Variants in NARS2 observed in about 807,000 individuals in gnomAD.
The protein encoded by NARS2 is asparaginyl-tRNA synthetase.
In NARS2, 60 loss-of-function variants were observed where a neutral mutation model predicts 62.9. The observed-to-expected ratio is 0.95, with a 90% CI of 0.77 to 1.18. The LOEUF (loss-of-function observed/expected upper bound fraction) is 1.18, where lower values mean the gene tolerates loss of function less well. Among genes scored for constraint, NARS2 ranks in the 50% most tolerant of loss-of-function variants. NARS2 has a pLI of 0.00. For missense variants in NARS2, 619 were observed against 576.4 expected, an observed-to-expected ratio of 1.07 and a Z score of -0.76; for synonymous variants, 196 against 200.0, an observed-to-expected ratio of 0.98 and a Z score of 0.17.
At chr11:78,540,140 A>G (rs1278833476) in intron 5 of NARS2, among the ~76,000 whole-genome samples, 16 of 152,158 alleles carry the variant, frequency 1.1e-4, no homozygotes, top group Non-Finnish European at 2.4e-4. Context: ...TTATTCTGCC[A>G]CTGGAAGACA....
chr11:78,478,792 C>G lies in NARS2; in HGVS notation c.823-109G>C, dbSNP rs534221823. On this transcript the variant is annotated intron_variant, in intron 7 of 13. Coordinates refer to ENST00000281038, the MANE Select transcript of NARS2 (RefSeq NM_024678.6). ...CAGGCTTTAGCAACTATAAATCCAC[C>G]AAGTCTTTTAATCCTTGAATGTACC... 2.9e-4 allele frequency: 157 copies of G among 534,872 alleles called. 1 individual carries two copies. In the East Asian group the frequency reaches 4.9e-3, roughly 17 times the overall value. The allele number at this position is 534,872 out of a possible 1,614,324, so 33.1% of individuals were successfully genotyped here. A position where few individuals can be genotyped will look rare whatever the true frequency, so the allele number is the denominator to read the frequency against.
chr11:78,519,100 T>C (rs1215066200), intron 6 of NARS2, among the ~76,000 whole-genome samples: 1 of 152,168 alleles, frequency 6.6e-6, no homozygotes, highest in Non-Finnish European at 1.5e-5. Flanking sequence ...GAGAAAGTCT[T>C]ATAAGCAGAT....
intron 5 of NARS2, among the ~76,000 whole-genome samples, chr11:78,535,565 T>C (rs1292332671): frequency 6.6e-6 from 1 of 152,218 alleles, no homozygotes; most frequent in Non-Finnish European, 1.5e-5. Flanking sequence ...ATTTTTCCTT[T>C]ATTTTTAATT....
chr11:78,574,473 A>G lies in NARS2; in HGVS notation c.16T>C (p.Cys6Arg). MLGVRCLLRSVRFCSS... is the reference protein window; with the variant it reads MLGVRRLLRSVRFCSS... ...CAGAAGCGCACGGACCGCAGCAGGC[A>G]GCGGACCCCCAGCATCCCGCGTCCG... The change falls in exon 1 of 14, where the codon TGC becomes CGC. Residue 6 changes from cysteine to arginine, a missense_variant. By Grantham distance (180) the Cys-to-Arg change is radical. Coordinates refer to ENST00000281038, the MANE Select transcript of NARS2 (RefSeq NM_024678.6). 1 of 1,612,804 alleles carries G rather than the reference A, an allele frequency of 6.2e-7. No homozygotes were observed. The highest frequency in any genetic ancestry group is 1.1e-5 in the South Asian group (1 of 91,056).
intron 11 of NARS2, among the ~76,000 whole-genome samples, chr11:78,463,252 G>A (rs181157712): frequency 1.3e-3 from 203 of 152,162 alleles, no homozygotes; most frequent in African/African-American, 4.7e-3. Context: ...TTGAGATAGG[G>A]TCTTCCTATG....
At chr11:78,474,452 A>T (rs1279805106) in intron 9 of NARS2, among the ~76,000 whole-genome samples, 6 of 152,264 alleles carry the variant, frequency 3.9e-5, no homozygotes, top group African/African-American at 1.4e-4. Flanking sequence ...TTGTTAAAAA[A>T]TAATAATTTA....
intron 12 of NARS2, among the ~76,000 whole-genome samples, chr11:78,443,411 T>C (rs1465666791): frequency 6.6e-6 from 1 of 152,114 alleles, no homozygotes; most frequent in African/African-American, 2.4e-5. Context: ...TTTAAAAAGC[T>C]ACTTTCCATA....
chr11:78,473,196 TTC>T (rs1401826763), intron 9 of NARS2, among the ~76,000 whole-genome samples: 3 of 152,212 alleles, frequency 2.0e-5, no homozygotes, highest in African/African-American at 4.8e-5. Context: ...GTTCACCAGT[TTC>T]TCTCTCTTCC....
rs1856914716 is a variant in NARS2 at position 78,571,349 on chromosome 11, T to C, written c.237A>G (p.Ser79=). The part of the protein sequence containing the change: ...SLESLQVVAD[S]GLDSRELNFG... Reference sequence around the variant, plus strand: ...ACAAAACTCACCTACTGTCAAGGCCTGAATCTGCAACAACCTGAAGGCTTT... The same window carrying C: ...ACAAAACTCACCTACTGTCAAGGCCCGAATCTGCAACAACCTGAAGGCTTT... Residue 79 remains serine (S), a synonymous_variant, in exon 2 of 14, where the codon TCA becomes TCG. Coordinates refer to ENST00000281038, the MANE Select transcript of NARS2 (RefSeq NM_024678.6). 1.2e-6 allele frequency: 2 copies of C among 1,612,116 alleles called. No homozygotes were observed. The highest frequency in any genetic ancestry group is 1.7e-5 in the Admixed American group (1 of 59,976).
chr11:78,554,678 C>A (rs1045421728), intron 5 of NARS2, among the ~76,000 whole-genome samples: 2 of 152,152 alleles, frequency 1.3e-5, no homozygotes, highest in Non-Finnish European at 2.9e-5. Flanking sequence ...TGGGCTGAGG[C>A]TATGGCATTC....
At chr11:78,520,553 A>C (rs374445381) in intron 6 of NARS2, among the ~76,000 whole-genome samples, 1 of 152,216 alleles carries the variant, frequency 6.6e-6, no homozygotes, top group South Asian at 2.1e-4. Flanking sequence ...ACACGGTTCA[A>C]GCAACTGTGG....
chr11:78,532,379 G>A (rs1479681807), intron 5 of NARS2, among the ~76,000 whole-genome samples: 1 of 151,992 alleles, frequency 6.6e-6, no homozygotes, highest in Non-Finnish European at 1.5e-5. Context: ...ATCTAAAACC[G>A]CCAAGTGATT....
rs532840627 is a variant in NARS2 at position 78,572,590 on chromosome 11, C to A, written c.142-1146G>T. Among the ~76,000 whole-genome samples, 21 of 152,298 alleles carry A rather than the reference C, an allele frequency of 1.4e-4. No homozygotes were observed. The East Asian group carries it at 4.1e-3, about 29-fold the overall frequency. On this transcript the variant is annotated intron_variant, in intron 1 of 13. Coordinates refer to ENST00000281038, the MANE Select transcript of NARS2 (RefSeq NM_024678.6). ...ACCTCATGCAAGATATCTTCCTTAACCTTCTCAGTTACGTAACTTCCTGTT... is the reference window on the plus strand; with the variant it reads ...ACCTCATGCAAGATATCTTCCTTAAACTTCTCAGTTACGTAACTTCCTGTT...
intron 5 of NARS2, among the ~76,000 whole-genome samples, chr11:78,547,724 G>A (rs2135481539): frequency 6.6e-6 from 1 of 152,298 alleles, no homozygotes; most frequent in Non-Finnish European, 1.5e-5. Flanking sequence ...ACATCATTAT[G>A]TTATTTATGA....
chr11:78,459,242 T>G (rs910636703), intron 11 of NARS2, among the ~76,000 whole-genome samples: 4 of 148,878 alleles, frequency 2.7e-5, no homozygotes, highest in Non-Finnish European at 4.4e-5. Context: ...TGGTTTTTTT[T>G]GTCGTTGTTT....
rs556939039 is a variant in NARS2, at chr11:78,473,627, C to G, written c.960-4314G>C. On this transcript the variant is annotated intron_variant, in intron 9 of 13. Coordinates refer to ENST00000281038, the MANE Select transcript of NARS2 (RefSeq NM_024678.6). ...TTGAACTACACAGGAAACATAAATT[C>G]AAACTCTAGGCTCACTTAAGGGCCA... Among the ~76,000 whole-genome samples the G allele has an allele frequency of 2.2e-4, 33 of 152,322 alleles. No individual in the cohort carries two copies. The South Asian group carries it at 5.4e-3, about 25-fold the overall frequency.
intron 5 of NARS2, among the ~76,000 whole-genome samples, chr11:78,554,201 C>T (rs1172296944): frequency 6.6e-6 from 1 of 152,052 alleles, no homozygotes; most frequent in Non-Finnish European, 1.5e-5. Context: ...CTTAGGATTG[C>T]CTTGGCTATC....
chr11:78,450,689 T>TC (rs869233038), intron 11 of NARS2, among the ~76,000 whole-genome samples: 2 of 135,250 alleles, frequency 1.5e-5, no homozygotes, highest in African/African-American at 5.5e-5. Context: ...TTTTTTTTTT[T>TC]CCTGAGACTG....
At chr11:78,522,212 C>T (rs1483044082) in intron 6 of NARS2, among the ~76,000 whole-genome samples, 1 of 151,648 alleles carries the variant, frequency 6.6e-6, no homozygotes, top group Non-Finnish European at 1.5e-5. Context: ...TCCACCTCAG[C>T]CTCCCAAAGC....
Sources: allele counts gnomAD v4.1 joint callset (sites outside exome capture counted in the v4.1 genomes callset), GRCh38; gene constraint gnomAD v4.1.1; transcripts MANE v1.5; gene names NCBI Gene and HGNC (gene_info 2026-07-23, HGNC 2026-07-21).